The following PNMA8B variants were observed in gnomAD, a reference collection of about 807,000 sequenced individuals.
PNMA8B encodes paraneoplastic antigen-like protein 8B.
For synonymous variants in PNMA8B, 386 were observed against 394.9 expected, an observed-to-expected ratio of 0.98 and a Z score of 0.27; for missense variants, 887 against 885.8, an observed-to-expected ratio of 1.00 and a Z score of -0.02.
chr19:46,494,829 C>G lies in PNMA8B; in HGVS notation c.637G>C (p.Asp213His). The G allele has an allele frequency of 6.2e-7, 1 of 1,613,500 alleles. No individual in the cohort carries two copies. Among genetic ancestry groups the G allele is most frequent in the Non-Finnish European group, 8.5e-7 (1 of 1,179,894 alleles). Reference protein sequence around the residue: ...GIVIEEIDQGDLSGEEDQSAL... With the variant: ...GIVIEEIDQGHLSGEEDQSAL... ...CTCTGGTCCTCTTCTCCGCTCAGGT[C>G]GCCCTGGTCGATCTCCTCGATCACG... is the stretch of plus-strand genomic sequence containing the variant. The change falls in exon 1 of 1, where the codon GAC becomes CAC. Residue 213 changes from aspartate to histidine, a missense_variant. Physicochemically the swap from Asp to His is moderately conservative, Grantham distance 81 (BLOSUM62 -1). Coordinates refer to ENST00000599531, the MANE Select transcript of PNMA8B (RefSeq NM_020709.3).
Position 46,494,749 on chromosome 19 carries a change from C to G in PNMA8B, c.717G>C (p.Ala239=). 1.2e-6 allele frequency: 2 copies of G among 1,613,924 alleles called. No homozygotes were observed. Among genetic ancestry groups the G allele is most frequent in the Non-Finnish European group, 1.7e-6 (2 of 1,179,884 alleles). Reference sequence around the variant, plus strand: ...CTTCTTCCCCCTCGGAGTTGCAGGGCGCCCACTGCCTAACCAGCTCCCTGG... The same window carrying G: ...CTTCTTCCCCCTCGGAGTTGCAGGGGGCCCACTGCCTAACCAGCTCCCTGG... ...AAARELVRQW[A]PCNSEGEEDG... Residue 239 remains alanine, a synonymous_variant, in exon 1 of 1, where the codon GCG becomes GCC. Coordinates refer to ENST00000599531, the MANE Select transcript of PNMA8B (RefSeq NM_020709.3).
chr19:46,494,928 T>C lies in PNMA8B; in HGVS notation c.538A>G (p.Arg180Gly). 6.2e-7 allele frequency: 1 copy of C among 1,610,956 alleles called. No homozygotes were observed. Among genetic ancestry groups the C allele is most frequent in the Non-Finnish European group, 8.5e-7 (1 of 1,179,884 alleles). Reference protein sequence around the residue: ...RNRLTQKGKKRSRGGRPSAPA... With the variant: ...RNRLTQKGKKGSRGGRPSAPA... ...GCAGACGGCCGTCCTCCTCGGCTTC[T>C]CTTCTTGCCCTTCTGGGTCAACCTG... Residue 180 changes from arginine (R) to glycine (G), a missense_variant, in exon 1 of 1, where the codon AGA becomes GGA. Transcript: ENST00000599531.
rs1332111347 is a variant in PNMA8B, at chr19:46,495,248, A to G, written c.218T>C (p.Val73Ala). ...CTCCCTGGGAATGGCAGCGTGATTG[A>G]CGTCCTCCACAAACTCCACCAGGGC... ...QAALVEFVED[V>A]NHAAIPREIP... Residue 73 changes from valine to alanine, a missense_variant, in exon 1 of 1, where the codon GTC (valine) becomes GCC (alanine). Transcript: ENST00000599531. The G allele has an allele frequency of 6.3e-7, 1 of 1,586,494 alleles. No homozygotes were observed. Among genetic ancestry groups the G allele is most frequent in the South Asian group, 1.1e-5 (1 of 90,502 alleles).
rs187712813 is a variant in PNMA8B at position 46,494,240 on chromosome 19, C to T, written c.1226G>A (p.Gly409Glu). The T allele has an allele frequency of 1.7e-5, 27 of 1,609,378 alleles. No individual in the cohort carries two copies. The highest frequency in any genetic ancestry group is 1.6e-4 in the Middle Eastern group (1 of 6,062). Residue 409 changes from glycine (G) to glutamate (E), a missense_variant, in exon 1 of 1, where the codon GGG becomes GAG. Physicochemically the swap from Gly to Glu is moderately conservative, Grantham distance 98 (BLOSUM62 -2). Transcript: ENST00000599531. Reference sequence around the variant, plus strand: ...GGTGGAAATGCACTCCCGGAGGTCCCCGTCATCCCCGGCCTTGCGCAGGAC... The same window carrying T: ...GGTGGAAATGCACTCCCGGAGGTCCTCGTCATCCCCGGCCTTGCGCAGGAC... The part of the protein sequence containing the change: ...AVVLRKAGDD[G>E]DLRECISTLA...
In PNMA8B at chr19:46,495,526, C is replaced by T; in HGVS notation, c.-61G>A. 6.5e-7 allele frequency: 1 copy of T among 1,527,690 alleles called. No homozygotes were observed. Among genetic ancestry groups the T allele is most frequent in the Admixed American group, 2.1e-5 (1 of 48,044 alleles). The allele number at this position is 1,527,690 out of a possible 1,614,324, so 94.6% of individuals were successfully genotyped here. ...GGGAGCCCGAGATAGGGGTGGGCTG[C>T]AGCGCACGGTGTCAATGCAACCCTA... On this transcript the variant is annotated 5_prime_UTR_variant, in exon 1 of 1. Transcript: ENST00000599531.
In PNMA8B at chr19:46,494,698, C is replaced by G. The variant is rs1455022625; in HGVS notation, c.768G>C (p.Leu256=). The G allele has an allele frequency of 1.2e-6, 2 of 1,613,914 alleles. No individual in the cohort carries two copies. The highest frequency in any genetic ancestry group is 2.7e-5 in the African/African-American group (2 of 74,940). ...TCTTCGATTTGTCGGTGACGGTGAC[C>G]AGAGCCAAGAACTCGCGGGGACCGT... ...EEDGPREFLA[L]VTVTDKSKKE... Residue 256 remains leucine, a synonymous_variant, in exon 1 of 1, where the codon CTG becomes CTC. Transcript: ENST00000599531.
rs370053145 is a variant in PNMA8B at position 46,492,135 on chromosome 19, G to C, written c.*1423C>G. 2 of 443,942 alleles carry C rather than the reference G, an allele frequency of 4.5e-6. No individual in the cohort carries two copies. The highest frequency in any genetic ancestry group is 3.3e-4 in the Middle Eastern group (1 of 3,042). The allele number at this position is 443,942 out of a possible 1,614,324, so 27.5% of individuals were successfully genotyped here. ...TGGGACAGTCTGGTCTGGACTGTGA[G>C]GTCACACCCAAACCCTCCTATTCCT... On this transcript the variant is annotated 3_prime_UTR_variant, in exon 1 of 1. Transcript: ENST00000599531.
chr19:46,493,486 A>AGGGCGGGGGCCACAGGC lies in PNMA8B; in HGVS notation c.*55_*71dup. On this transcript the variant is annotated 3_prime_UTR_variant, in exon 1 of 1. Coordinates refer to ENST00000599531, the MANE Select transcript of PNMA8B (RefSeq NM_020709.3). The surrounding 1 kb of genome is among the most constrained non-coding windows in gnomAD (Gnocchi z 5.3). Reference sequence around the variant, plus strand: ...GCGGAGGACAGGAAGAGGGGAGGGGAGGGCGGGGGCCACAGGCGGGCGGGT... The same window carrying AGGGCGGGGGCCACAGGC: ...GCGGAGGACAGGAAGAGGGGAGGGGAGGGCGGGGGCCACAGGCGGGCGGGGGCCACAGGCGGGCGGGT... 3 of 764,814 alleles carry AGGGCGGGGGCCACAGGC rather than the reference A, an allele frequency of 3.9e-6. No homozygotes were observed. The South Asian group carries it at 1.2e-4, about 31-fold the overall frequency. 47.4% of individuals were successfully genotyped at this position (764,814 alleles called of 1,614,324 possible).
rs1169615969 is a variant in PNMA8B, at chr19:46,495,643, G to A, written c.-178C>T. The A allele has an allele frequency of 5.3e-6, 4 of 760,068 alleles. No individual in the cohort carries two copies. The highest frequency in any genetic ancestry group is 3.5e-5 in the African/African-American group (2 of 56,794). The allele number at this position is 760,068 out of a possible 1,614,324, so 47.1% of individuals were successfully genotyped here. ...GGCTCGGGGGCTCTAGCTGCCTGCT[G>A]GCCGGCTGGACGCAGTGACCTTCCC... On this transcript the variant is annotated 5_prime_UTR_variant, in exon 1 of 1. Coordinates refer to ENST00000599531, the MANE Select transcript of PNMA8B (RefSeq NM_020709.3).
In PNMA8B at chr19:46,492,354, G is replaced by C. The variant is rs973082391; in HGVS notation, c.*1204C>G. 3 of 270,984 alleles carry C rather than the reference G, an allele frequency of 1.1e-5. No individual in the cohort carries two copies. The highest frequency in any genetic ancestry group is 6.0e-5 in the South Asian group (2 of 33,388). The allele number at this position is 270,984 out of a possible 1,614,324, so 16.8% of individuals were successfully genotyped here. A position where few individuals can be genotyped will look rare whatever the true frequency, so the allele number is the denominator to read the frequency against. ...TTGCAGGAGCTGAAGCATACGGCAC[G>C]GCACGGCACAGACTCACATACAACT... On this transcript the variant is annotated 3_prime_UTR_variant, in exon 1 of 1. Transcript: ENST00000599531.
In PNMA8B at chr19:46,494,469, C is replaced by T. The variant is rs1047266206; in HGVS notation, c.997G>A (p.Val333Met). The T allele has an allele frequency of 2.5e-6, 4 of 1,613,918 alleles. No homozygotes were observed. The highest frequency in any genetic ancestry group is 3.4e-6 in the Non-Finnish European group (4 of 1,179,912). The change falls in exon 1 of 1, where the codon GTG becomes ATG. Residue 333 changes from valine to methionine, a missense_variant. Transcript: ENST00000599531. Reference protein sequence around the residue: ...ETEELDNPEFVAIVAYTDPSD... With the variant: ...ETEELDNPEFMAIVAYTDPSD... ...GGGTCGGTATAGGCCACAATGGCCA[C>T]GAACTCAGGATTATCCAACTCCTCT...
At position 46,493,466 on chromosome 19, in the gene PNMA8B, G is replaced by A. The variant is rs1231526172; in HGVS notation, c.*92C>T. The stretch of plus-strand genomic sequence containing the variant: ...GAAGCGAGGAGATTGCGTCTGCGGA[G>A]GACAGGAAGAGGGGAGGGGAGGGCG... On this transcript the variant is annotated 3_prime_UTR_variant, in exon 1 of 1. Transcript: ENST00000599531. The surrounding 1 kb of genome is among the most constrained non-coding windows in gnomAD (Gnocchi z 5.3). 8.9e-6 allele frequency: 7 copies of A among 788,400 alleles called. No homozygotes were observed. The highest frequency in any genetic ancestry group is 4.6e-5 in the South Asian group (1 of 21,762). 48.8% of individuals were successfully genotyped at this position (788,400 alleles called of 1,614,324 possible).
chr19:46,493,772 C>T lies in PNMA8B; in HGVS notation c.1694G>A (p.Arg565Gln). ...SGARKTRAGG[R>Q]GRGRGVTPEK... ...GGGAGTGACGCCCCGGCCTCGGCCT[C>T]GGCCGCCCGCGCGGGTTTTGCGGGC... The change falls in exon 1 of 1, where the codon CGA becomes CAA. Residue 565 changes from arginine (R) to glutamine (Q), a missense_variant. Physicochemically the swap from Arg to Gln is conservative, Grantham distance 43. Transcript: ENST00000599531. This position sits in a 1 kb window ranked among gnomAD's most constrained non-coding sequence, Gnocchi z 5.3. The T allele has an allele frequency of 7.2e-7, 1 of 1,382,152 alleles. No individual in the cohort carries two copies. The highest frequency in any genetic ancestry group is 1.7e-5 in the South Asian group (1 of 59,046). 85.6% of individuals were successfully genotyped at this position (1,382,152 alleles called of 1,614,324 possible). A position where few individuals can be genotyped will look rare whatever the true frequency, so the allele number is the denominator to read the frequency against.
In PNMA8B at chr19:46,491,968, C is replaced by CTGTGCCCAGCTCAAGG; in HGVS notation, c.*1574_*1589dup. 4.6e-6 allele frequency: 1 copy of CTGTGCCCAGCTCAAGG among 215,350 alleles called. No homozygotes were observed. The highest frequency in any genetic ancestry group is 1.5e-4 in the East Asian group (1 of 6,698). The allele number at this position is 215,350 out of a possible 1,614,324, so 13.3% of individuals were successfully genotyped here. A position where few individuals can be genotyped will look rare whatever the true frequency, so the allele number is the denominator to read the frequency against. The stretch of plus-strand genomic sequence containing the variant: ...CACCCACAGGCAACACCACAGGCTG[C>CTGTGCCCAGCTCAAGG]TGTGCCCAGCTCAAGGTACACCCAG... On this transcript the variant is annotated 3_prime_UTR_variant, in exon 1 of 1. Coordinates refer to ENST00000599531, the MANE Select transcript of PNMA8B (RefSeq NM_020709.3).
Position 46,493,276 on chromosome 19 carries a change from T to C in PNMA8B, c.*282A>G, listed in dbSNP as rs1289578068. ...GGGCAACCCGGGCCCCCAATCCTGG[T>C]CCACTTGGCGCGTCCCCATCTCGGC... On this transcript the variant is annotated 3_prime_UTR_variant, in exon 1 of 1. Transcript: ENST00000599531. The surrounding 1 kb of genome is among the most constrained non-coding windows in gnomAD (Gnocchi z 5.3). 1 of 343,436 alleles carries C rather than the reference T, an allele frequency of 2.9e-6. No individual in the cohort carries two copies. The highest frequency in any genetic ancestry group is 4.3e-5 in the East Asian group (1 of 23,178). The allele number at this position is 343,436 out of a possible 1,614,324, so 21.3% of individuals were successfully genotyped here. A position where few individuals can be genotyped will look rare whatever the true frequency, so the allele number is the denominator to read the frequency against.
chr19:46,495,343 C>A lies in PNMA8B; in HGVS notation c.123G>T (p.Pro41=), dbSNP rs114874053. The A allele has an allele frequency of 1.2e-3, 1,514 of 1,285,022 alleles. 12 individuals carry two copies. In the African/African-American group the frequency reaches 0.019, roughly 16 times the overall value. The allele number at this position is 1,285,022 out of a possible 1,614,324, so 79.6% of individuals were successfully genotyped here. ...TGAACGTGCCCAGGGGCAGGAGGGT[C>A]GGCTGCAGGACGGCTTCGACGTCTG... is the stretch of plus-strand genomic sequence containing the variant. The part of the protein sequence containing the change: ...EQADVEAVLQ[P]TLLPLGTFRL... The change falls in exon 1 of 1, where the codon CCG becomes CCT. Residue 41 remains proline, a synonymous_variant. Coordinates refer to ENST00000599531, the MANE Select transcript of PNMA8B (RefSeq NM_020709.3).
rs780512397 is a variant in PNMA8B at position 46,494,958 on chromosome 19, G to C, written c.508C>G (p.Arg170Gly). ...GRRGRRNRTR[R>G]NRLTQKGKKR... Reference sequence around the variant, plus strand: ...TTGCCCTTCTGGGTCAACCTGTTGCGTCTGGTTCTGTTTCTGCGACCCCGA... The same window carrying C: ...TTGCCCTTCTGGGTCAACCTGTTGCCTCTGGTTCTGTTTCTGCGACCCCGA... Residue 170 changes from arginine to glycine, a missense_variant, in exon 1 of 1, where the codon CGC becomes GGC. Physicochemically the swap from Arg to Gly is moderately radical, Grantham distance 125. Coordinates refer to ENST00000599531, the MANE Select transcript of PNMA8B (RefSeq NM_020709.3). 4 of 1,609,322 alleles carry C rather than the reference G, an allele frequency of 2.5e-6. No homozygotes were observed. The highest frequency in any genetic ancestry group is 2.7e-5 in the African/African-American group (2 of 74,922).
In PNMA8B at chr19:46,494,665, C is replaced by T. The variant is rs1328204814; in HGVS notation, c.801G>A (p.Glu267=). Residue 267 remains glutamate (E), a synonymous_variant, in exon 1 of 1, where the codon GAG becomes GAA. Coordinates refer to ENST00000599531, the MANE Select transcript of PNMA8B (RefSeq NM_020709.3). Reference sequence around the variant, plus strand: ...CGGCCCCAGCTGGCTCCTTCTCTGCCTCTTCTTTCTTCGATTTGTCGGTGA... The same window carrying T: ...CGGCCCCAGCTGGCTCCTTCTCTGCTTCTTCTTTCTTCGATTTGTCGGTGA... The part of the protein sequence containing the change: ...VTVTDKSKKE[E]AEKEPAGAES... 2 of 1,614,028 alleles carry T rather than the reference C, an allele frequency of 1.2e-6. No individual in the cohort carries two copies. Among genetic ancestry groups the T allele is most frequent in the Non-Finnish European group, 1.7e-6 (2 of 1,179,896 alleles).
rs887830808 is a variant in PNMA8B, at chr19:46,492,260, A to G, written c.*1298T>C. 3 of 344,416 alleles carry G rather than the reference A, an allele frequency of 8.7e-6. No individual in the cohort carries two copies. The highest frequency in any genetic ancestry group is 6.8e-5 in the Admixed American group (2 of 29,480). The allele number at this position is 344,416 out of a possible 1,614,324, so 21.3% of individuals were successfully genotyped here. ...GAAGCACACACATTGCCCCAGGGAC[A>G]AGAAGGCATGAATGAAGGTGGGGTC... On this transcript the variant is annotated 3_prime_UTR_variant, in exon 1 of 1. Coordinates refer to ENST00000599531, the MANE Select transcript of PNMA8B (RefSeq NM_020709.3).
Sources: allele counts gnomAD v4.1 joint callset, GRCh38; gene constraint gnomAD v4.1.1; non-coding constraint Gnocchi (gnomAD v3.1); transcripts MANE v1.5; gene names NCBI Gene and HGNC (gene_info 2026-07-23, HGNC 2026-07-21).